Variants in CPED1 observed in about 807,000 individuals in gnomAD.
The protein encoded by CPED1 is cadherin like and PC-esterase domain containing 1, also known as cadherin-like and PC-esterase domain-containing protein 1.
In CPED1, 114 loss-of-function variants were observed where a neutral mutation model predicts 128.2. The ratio of observed to expected loss-of-function variants is 0.89; its 90% CI spans 0.76 to 1.04. The LOEUF (loss-of-function observed/expected upper bound fraction) is 1.04, where lower values mean the gene tolerates loss of function less well. Among genes scored for constraint, CPED1 ranks in the 50% least tolerant of loss-of-function variants. The pLI is 0.00. For synonymous variants in CPED1, 462 were observed against 426.7 expected, an observed-to-expected ratio of 1.08 and a Z score of -1.02; for missense variants, 1,211 against 1,207.1, an observed-to-expected ratio of 1.00 and a Z score of -0.05.
intron 11 of CPED1, among the ~76,000 whole-genome samples, chr7:121,129,269 A>ATGTG (rs1431596941): frequency 7.0e-6 from 1 of 142,648 alleles, no homozygotes; most frequent in African/African-American, 2.6e-5. Context: ...TAAAAAGTAT[A>ATGTG]TGTGTGTGTG....
At chr7:121,104,230 C>T (rs1339170138) in intron 7 of CPED1, among the ~76,000 whole-genome samples, 3 of 152,008 alleles carry the variant, frequency 2.0e-5, no homozygotes, top group African/African-American at 4.8e-5. Context: ...AAAATGTCTT[C>T]CCTTAAAAAG....
chr7:121,182,508 C>T (rs1395041498), intron 16 of CPED1, among the ~76,000 whole-genome samples: 1 of 151,398 alleles, frequency 6.6e-6, no homozygotes, highest in Non-Finnish European at 1.5e-5. Flanking sequence ...TTCTTTGCCT[C>T]CCTCTCTTCC....
intron 5 of CPED1, among the ~76,000 whole-genome samples, chr7:121,084,891 C>G (rs1345369372): frequency 1.3e-5 from 2 of 152,170 alleles, no homozygotes; most frequent in Non-Finnish European, 2.9e-5. Context: ...TTATACCTTA[C>G]CAGTGCATTC....
At chr7:121,034,773 G>T (rs761819560) in intron 3 of CPED1, among the ~76,000 whole-genome samples, 3 of 152,124 alleles carry the variant, frequency 2.0e-5, no homozygotes, top group Non-Finnish European at 4.4e-5. Context: ...TATGGTCAAA[G>T]ATGGGGCCTG....
chr7:121,255,068 C>T (rs1376009423), intron 18 of CPED1, among the ~76,000 whole-genome samples: 1 of 152,034 alleles, frequency 6.6e-6, no homozygotes. Flanking sequence ...ATGAAGTTAG[C>T]ATCAGCCTGA....
At chr7:121,035,568 TC>T (rs1792861745) in intron 3 of CPED1, among the ~76,000 whole-genome samples, 2 of 152,066 alleles carry the variant, frequency 1.3e-5, no homozygotes, top group African/African-American at 4.8e-5. Context: ...GCACAGTGGC[TC>T]AGGCCTGTAA....
At chr7:120,996,285 A>G (rs6960415) in intron 2 of CPED1, among the ~76,000 whole-genome samples, 70,243 of 150,344 alleles carry the variant, frequency 0.47, 17,335 homozygotes, top group South Asian at 0.65. Context: ...TCCTGTCTCA[A>G]AAAAAAAAGA....
intron 2 of CPED1, chr7:120,993,882 C>T (rs895534961): frequency 4.3e-6 from 1 of 233,470 alleles, no homozygotes; most frequent in Non-Finnish European, 9.2e-6. Context: ...GATTGGAGTC[C>T]CTCTCATGGT....
intron 3 of CPED1, among the ~76,000 whole-genome samples, chr7:121,039,595 A>C (rs997986995): frequency 1.3e-5 from 2 of 152,104 alleles, no homozygotes; most frequent in South Asian, 2.1e-4. Context: ...CGTAAAATGC[A>C]GTAATGAGAG....
intron 16 of CPED1, among the ~76,000 whole-genome samples, chr7:121,154,175 A>G (rs899226561): frequency 1.3e-5 from 2 of 152,250 alleles, no homozygotes; most frequent in East Asian, 3.8e-4. Flanking sequence ...GCAAGTATCC[A>G]CATAAAATGT....
At position 121,140,087 on chromosome 7, in the gene CPED1, T is replaced by C. The variant is rs541906832; in HGVS notation, c.1700-740T>C. On this transcript the variant is annotated intron_variant, in intron 14 of 22. Coordinates refer to ENST00000310396, the MANE Select transcript of CPED1 (RefSeq NM_024913.5). ...TAACAGTAGCTGGTGTATGTGCCTA[T>C]AAAACAATTTTTTCTTTCTTTCTCA... 2.8e-3 allele frequency among the ~76,000 whole-genome samples: 432 copies of C among 152,220 alleles called. 3 individuals are homozygous for C. The highest frequency in any genetic ancestry group is 9.8e-3 in the African/African-American group (409 of 41,552).
rs755414515 is a variant in CPED1, at chr7:121,099,935, G to A, written c.759G>A (p.Thr253=). The change falls in exon 7 of 23, where the codon ACG becomes ACA. Residue 253 remains threonine (T), a synonymous_variant. Transcript: ENST00000310396. ...GDWSREQLNE[T]TVLAPHETIF... ...TTTTTTTTTTTTTTAGGAATGAAAC[G>A]ACAGTCCTTGCTCCACATGAAACAA... is the stretch of plus-strand genomic sequence containing the variant. 11 of 1,607,058 alleles carry A rather than the reference G, an allele frequency of 6.8e-6. 1 individual carries two copies. The highest frequency in any genetic ancestry group is 5.5e-5 in the South Asian group (5 of 90,304).
intron 3 of CPED1, among the ~76,000 whole-genome samples, chr7:121,031,752 AATTT>A (rs1792740865): frequency 6.6e-6 from 1 of 152,236 alleles, no homozygotes; most frequent in Admixed American, 6.5e-5. Context: ...TTTTAATAAA[AATTT>A]TGATTTTCAC....
At chr7:120,998,781 T>G (rs1796452885) in intron 2 of CPED1, among the ~76,000 whole-genome samples, 1 of 152,012 alleles carries the variant, frequency 6.6e-6, no homozygotes, top group Admixed American at 6.6e-5. Flanking sequence ...CAGACTTGCT[T>G]ATTTATAGGC....
At chr7:121,212,542 A>G (rs1797670812) in intron 16 of CPED1, among the ~76,000 whole-genome samples, 1 of 152,066 alleles carries the variant, frequency 6.6e-6, no homozygotes, top group South Asian at 2.1e-4. Flanking sequence ...TTGTGCCAAC[A>G]CTGTGTCCAG....
intron 3 of CPED1, among the ~76,000 whole-genome samples, chr7:121,025,064 A>G (rs2116841271): frequency 6.6e-6 from 1 of 152,248 alleles, no homozygotes; most frequent in East Asian, 1.9e-4. Context: ...TCTACTCTCA[A>G]TATTATAAAT....
intron 4 of CPED1, among the ~76,000 whole-genome samples, chr7:121,060,297 A>G (rs1296207108): frequency 6.6e-6 from 1 of 152,188 alleles, no homozygotes; most frequent in Non-Finnish European, 1.5e-5. Flanking sequence ...AGTCCCATCG[A>G]CCACCCAAGG....
chr7:121,039,000 A>G (rs1792975533), intron 3 of CPED1, among the ~76,000 whole-genome samples: 1 of 152,000 alleles, frequency 6.6e-6, no homozygotes, highest in Non-Finnish European at 1.5e-5. Flanking sequence ...TTCCACTACA[A>G]AGTTATTCTT....
rs182024056 is a variant in CPED1, at chr7:121,164,619, C to T, written c.2055+22478C>T. 1.4e-4 allele frequency among the ~76,000 whole-genome samples: 21 copies of T among 152,290 alleles called. No homozygotes were observed. The East Asian group carries it at 2.7e-3, about 20-fold the overall frequency. ...TGCCATGCCTCTTGTCCCCAAACTG[C>T]GCTTTGAGAACCATTGTCTTTTACT... On this transcript the variant is annotated intron_variant, in intron 16 of 22. Coordinates refer to ENST00000310396, the MANE Select transcript of CPED1 (RefSeq NM_024913.5).
Sources: gnomAD v4.1 joint callset for allele counts (sites outside exome capture counted in the v4.1 genomes callset) on GRCh38, gnomAD v4.1.1 for gene constraint, MANE v1.5 for transcripts, NCBI Gene and HGNC (gene_info 2026-07-23, HGNC 2026-07-21) for gene names.